MYPOP: variants seen among roughly 807,000 people sequenced by gnomAD.
MYPOP encodes myb-related transcription factor, partner of profilin.
A neutral mutation model predicts 25.7 loss-of-function variants in MYPOP; 21 were observed. The ratio of observed to expected loss-of-function variants is 0.82; its 90% confidence interval spans 0.58 to 1.18. MYPOP has a LOEUF of 1.18. MYPOP is among the 50% of genes most tolerant of loss of function. MYPOP has a pLI of 0.00. For synonymous variants in MYPOP, 280 were observed against 247.9 expected, an observed-to-expected ratio of 1.13 and a Z score of -1.22; for missense variants, 566 against 588.3, an observed-to-expected ratio of 0.96 and a Z score of 0.39.
At chr19:45,894,077 C>T (rs1387152505) in intron 2 of MYPOP, among the ~76,000 whole-genome samples, 2 of 150,950 alleles carry the variant, frequency 1.3e-5, no homozygotes, top group Non-Finnish European at 2.9e-5. Flanking sequence ...GCATGAGCCA[C>T]CGCGCCTGAT....
rs770469364 is a variant in MYPOP at position 45,901,720 on chromosome 19, C to T, written c.54G>A (p.Pro18=). The change falls in exon 2 of 3, where the codon CCG becomes CCA. Residue 18 remains proline, a synonymous_variant. Coordinates refer to ENST00000322217, the MANE Select transcript of MYPOP (RefSeq NM_001012643.4). This position sits in a 1 kb window ranked among gnomAD's most constrained non-coding sequence, Gnocchi z 5.7. The part of the protein sequence containing the change: ...EAEETTRLRK[P]RFSFEENQIL... ...TCTGGTTCTCTTCGAATGAGAAGCG[C>T]GGCTTGCGCAACCGGGTGGTTTCCT... The T allele has an allele frequency of 6.6e-5, 104 of 1,569,454 alleles. No individual in the cohort carries two copies. Among genetic ancestry groups the T allele is most frequent in the Non-Finnish European group, 8.6e-5 (100 of 1,161,382 alleles).
Position 45,890,460 on chromosome 19 carries a change from A to G in MYPOP, c.*163T>C. 1 of 1,178,748 alleles carries G rather than the reference A, an allele frequency of 8.5e-7. No homozygotes were observed. Among genetic ancestry groups the G allele is most frequent in the Non-Finnish European group, 1.1e-6 (1 of 878,084 alleles). The allele number at this position is 1,178,748 out of a possible 1,614,324, so 73.0% of individuals were successfully genotyped here. ...AAGGGGTTGGGGGGGCCCATTACTG[A>G]GGCCCCCCCCAGAGAATCAGGCACT... On this transcript the variant is annotated 3_prime_UTR_variant, in exon 3 of 3. Transcript: ENST00000322217.
At chr19:45,893,773 G>A (rs1054930239) in intron 2 of MYPOP, among the ~76,000 whole-genome samples, 1 of 150,678 alleles carries the variant, frequency 6.6e-6, no homozygotes, top group African/African-American at 2.4e-5. Flanking sequence ...TGAATTGTAC[G>A]CTGTATTTTA....
chr19:45,891,363 C>T lies in MYPOP; in HGVS notation c.500-40G>A, dbSNP rs567954811. Reference sequence around the variant, plus strand: ...ATACAGGTAAGGGGTGAGCGACCCTCGATGCTGCCTTGATTTCCCCTTTCC... The same window carrying T: ...ATACAGGTAAGGGGTGAGCGACCCTTGATGCTGCCTTGATTTCCCCTTTCC... On this transcript the variant is annotated intron_variant, in intron 2 of 2. Transcript: ENST00000322217. 9.6e-5 allele frequency: 137 copies of T among 1,425,942 alleles called. No homozygotes were observed. In the South Asian group the frequency reaches 1.4e-3, roughly 14 times the overall value. 88.3% of individuals were successfully genotyped at this position (1,425,942 alleles called of 1,614,324 possible).
At chr19:45,896,868 A>G (rs945502416) in intron 2 of MYPOP, among the ~76,000 whole-genome samples, 1 of 149,016 alleles carries the variant, frequency 6.7e-6, no homozygotes, top group Admixed American at 6.7e-5. Flanking sequence ...CTCATGATCC[A>G]CCCGCCTCGG....
intron 2 of MYPOP, among the ~76,000 whole-genome samples, chr19:45,894,151 C>T (rs1396562722): frequency 1.3e-5 from 2 of 151,478 alleles, no homozygotes; most frequent in Non-Finnish European, 2.9e-5. Flanking sequence ...CTCGCTCTGT[C>T]GCCCAGGCTG....
Position 45,890,541 on chromosome 19 carries a change from T to C in MYPOP, c.*82A>G, listed in dbSNP as rs974730941. On this transcript the variant is annotated 3_prime_UTR_variant, in exon 3 of 3. Transcript: ENST00000322217. ...CTGGAGCAGGGAGCTAGGGTGCAGC[T>C]GGGATGGGCAGAGAGCATCGCCCCC... 9.6e-6 allele frequency: 15 copies of C among 1,557,724 alleles called. No homozygotes were observed. The African/African-American group carries it at 1.2e-4, about 13-fold the overall frequency.
Position 45,901,183 on chromosome 19 carries a change from C to CAT in MYPOP, c.499+90_499+91dup. 1 of 1,205,702 alleles carries CAT rather than the reference C, an allele frequency of 8.3e-7. No homozygotes were observed. Among genetic ancestry groups the CAT allele is most frequent in the Non-Finnish European group, 1.1e-6 (1 of 922,778 alleles). The allele number at this position is 1,205,702 out of a possible 1,614,324, so 74.7% of individuals were successfully genotyped here. The stretch of plus-strand genomic sequence containing the variant: ...AGCTATAAAATGGGGCGAAGGACAG[C>CAT]ATCCACCTCACAGGGCTGCAGCAAG... On this transcript the variant is annotated intron_variant, in intron 2 of 2. Coordinates refer to ENST00000322217, the MANE Select transcript of MYPOP (RefSeq NM_001012643.4). This position sits in a 1 kb window ranked among gnomAD's most constrained non-coding sequence, Gnocchi z 5.7.
At chr19:45,892,028 T>C (rs1343992144) in intron 2 of MYPOP, among the ~76,000 whole-genome samples, 2 of 151,954 alleles carry the variant, frequency 1.3e-5, no homozygotes, top group Non-Finnish European at 2.9e-5. Context: ...CAAACGATTA[T>C]CCTGCCTCAG....
rs757906831 is a variant in MYPOP at position 45,891,262 on chromosome 19, G to A, written c.561C>T (p.Cys187=). The A allele has an allele frequency of 3.9e-6, 6 of 1,552,532 alleles. No individual in the cohort carries two copies. The highest frequency in any genetic ancestry group is 2.4e-5 in the South Asian group (2 of 84,296). The part of the protein sequence containing the change: ...SSPEPWARPS[C]TPQEGGCPRP... The stretch of plus-strand genomic sequence containing the variant: ...GTGGGCAGCCCCCTTCCTGGGGAGT[G>A]CAGGAGGGCCGGGCCCATGGCTCCG... The change falls in exon 3 of 3, where the codon TGC becomes TGT. Residue 187 remains cysteine, a synonymous_variant. Coordinates refer to ENST00000322217, the MANE Select transcript of MYPOP (RefSeq NM_001012643.4).
intron 2 of MYPOP, among the ~76,000 whole-genome samples, chr19:45,897,164 GC>G (rs1407647234): frequency 6.6e-6 from 1 of 151,502 alleles, no homozygotes; most frequent in Non-Finnish European, 1.5e-5. Flanking sequence ...CCCAGTGCAA[GC>G]AATTCTCCTG....
rs1435044600 is a variant in MYPOP, at chr19:45,890,773, C to T, written c.1050G>A (p.Val350=). 1 of 1,522,268 alleles carries T rather than the reference C, an allele frequency of 6.6e-7. No individual in the cohort carries two copies. The highest frequency in any genetic ancestry group is 1.3e-5 in the South Asian group (1 of 79,840). The allele number at this position is 1,522,268 out of a possible 1,614,324, so 94.3% of individuals were successfully genotyped here. A position where few individuals can be genotyped will look rare whatever the true frequency, so the allele number is the denominator to read the frequency against. ...VVAAVVDGAV[V]AARGVIIAPR... is the part of the protein sequence containing the mutation. ...GGGCAATGATCACTCCCCTGGCTGC[C>T]ACCACTGCCCCGTCCACCACAGCAG... The change falls in exon 3 of 3, where the codon GTG becomes GTA. Residue 350 remains valine, a synonymous_variant. Transcript: ENST00000322217.
chr19:45,896,083 G>A (rs1967200259), intron 2 of MYPOP, among the ~76,000 whole-genome samples: 1 of 152,192 alleles, frequency 6.6e-6, no homozygotes. Context: ...CTGAGGTCAG[G>A]AGTTTGAGAC....
At position 45,901,179 on chromosome 19, in the gene MYPOP, A is replaced by T. The variant is rs1032722237; in HGVS notation, c.499+96T>A. 68 of 1,177,974 alleles carry T rather than the reference A, an allele frequency of 5.8e-5. No individual in the cohort carries two copies. The highest frequency in any genetic ancestry group is 7.0e-5 in the Non-Finnish European group (63 of 899,838). The allele number at this position is 1,177,974 out of a possible 1,614,324, so 73.0% of individuals were successfully genotyped here. ...CCCTAGCTATAAAATGGGGCGAAGG[A>T]CAGCATCCACCTCACAGGGCTGCAG... On this transcript the variant is annotated intron_variant, in intron 2 of 2. Transcript: ENST00000322217. This position sits in a 1 kb window ranked among gnomAD's most constrained non-coding sequence, Gnocchi z 5.7.
Position 45,901,480 on chromosome 19 carries a change from C to T in MYPOP, c.294G>A (p.Thr98=). Residue 98 remains threonine (T), a synonymous_variant, in exon 2 of 3, where the codon ACG becomes ACA. Transcript: ENST00000322217. The surrounding 1 kb of genome is among the most constrained non-coding windows in gnomAD (Gnocchi z 5.7). ...CCTCCGCGGCGGGCCCGGCGCCCTG[C>T]GTGGAGTGCGGCACGCGAGCGAGCT... The part of the protein sequence containing the change: ...KEKLARVPHS[T]QGAGPAAEDA... The T allele has an allele frequency of 6.2e-7, 1 of 1,606,300 alleles. No homozygotes were observed. Among genetic ancestry groups the T allele is most frequent in the Non-Finnish European group, 8.5e-7 (1 of 1,176,906 alleles).
chr19:45,893,506 T>G (rs1434556425), intron 2 of MYPOP, among the ~76,000 whole-genome samples: 1 of 146,816 alleles, frequency 6.8e-6, no homozygotes, highest in Non-Finnish European at 1.5e-5. Context: ...AGGCAGAAGT[T>G]GCAGTGAGCT....
In MYPOP at chr19:45,901,849, C is replaced by T; in HGVS notation, c.-52-24G>A. 4.2e-6 allele frequency: 5 copies of T among 1,194,810 alleles called. No individual in the cohort carries two copies. Among genetic ancestry groups the T allele is most frequent in the Non-Finnish European group, 5.3e-6 (5 of 942,848 alleles). 74.0% of individuals were successfully genotyped at this position (1,194,810 alleles called of 1,614,324 possible). On this transcript the variant is annotated intron_variant, in intron 1 of 2. Transcript: ENST00000322217. The surrounding 1 kb of genome is among the most constrained non-coding windows in gnomAD (Gnocchi z 5.7). ...CGCTGCGGGCAAAGGGCGCACGGGG[C>T]TGGCTGGGGTTCGGGGTCCCCCCGC...
In MYPOP at chr19:45,895,324, C is replaced by T. The variant is rs1967187656; in HGVS notation, c.500-4001G>A. On this transcript the variant is annotated intron_variant, in intron 2 of 2. Transcript: ENST00000322217. ...GCAGTGGTGCAATCTCGGCTCACTA[C>T]AACCTCTGCCTCCTGGGCTCAAGCG... 2.0e-5 allele frequency among the ~76,000 whole-genome samples: 3 copies of T among 152,268 alleles called. No individual in the cohort carries two copies. In the South Asian group the frequency reaches 6.2e-4, roughly 32 times the overall value.
Position 45,890,626 on chromosome 19 carries a change from C to A in MYPOP, c.1197G>T (p.Pro399=), listed in dbSNP as rs775073601. ...GCAGGATCATAGATAGTAGATTTCA[C>A]GGAGATTTCCATCGGCCGCGCCTTT... ...TRKRRGRWKS[P] is the part of the protein sequence containing the mutation. The change falls in exon 3 of 3, where the codon CCG becomes CCT. Residue 399 remains proline, a synonymous_variant. Coordinates refer to ENST00000322217, the MANE Select transcript of MYPOP (RefSeq NM_001012643.4). 2 of 1,609,142 alleles carry A rather than the reference C, an allele frequency of 1.2e-6. No individual in the cohort carries two copies. The highest frequency in any genetic ancestry group is 1.7e-6 in the Non-Finnish European group (2 of 1,178,588).
Sources: allele counts gnomAD v4.1 joint callset (sites outside exome capture counted in the v4.1 genomes callset), GRCh38; gene constraint gnomAD v4.1.1; non-coding constraint Gnocchi (gnomAD v3.1); transcripts MANE v1.5; gene names NCBI Gene and HGNC (gene_info 2026-07-23, HGNC 2026-07-21).